The following TUBGCP6 variants were observed in gnomAD, a reference collection of about 807,000 sequenced individuals.
The protein encoded by TUBGCP6 is gamma-tubulin complex component 6.
In TUBGCP6, 161 loss-of-function variants were observed where a neutral mutation model predicts 175.8. The observed-to-expected ratio is 0.92, with a 90% CI of 0.81 to 1.04. TUBGCP6 has a LOEUF of 1.04. Ranked by LOEUF, TUBGCP6 falls within the 50% of genes least tolerant of loss-of-function variation. The probability of loss-of-function intolerance (pLI) is 0.00; values close to 1 mark genes in which losing one functional copy is unlikely to be tolerated. For synonymous variants in TUBGCP6, 1,173 were observed against 1,030.5 expected, an observed-to-expected ratio of 1.14 and a Z score of -2.65; for missense variants, 2,572 against 2,433.0, an observed-to-expected ratio of 1.06 and a Z score of -1.20.
rs745344235 is a variant in TUBGCP6, at chr22:50,219,760, C to T, written c.4199G>A (p.Arg1400His). Residue 1400 changes from arginine (R) to histidine (H), a missense_variant, in exon 18 of 25, where the codon CGT becomes CAT. Physicochemically the swap from Arg to His is conservative, Grantham distance 29. Coordinates refer to ENST00000248846, the MANE Select transcript of TUBGCP6 (RefSeq NM_020461.4). ...CGCCGATGCCTCCGCCTCCTCACCA[C>T]GGCCTGGGCTGCTCTGGGCAGCTGT... The part of the protein sequence containing the change: ...EDTAAQSSPG[R>H]GEEAEASAAE... The T allele has an allele frequency of 1.3e-5, 21 of 1,613,750 alleles. No homozygotes were observed. The highest frequency in any genetic ancestry group is 2.2e-5 in the East Asian group (1 of 44,888).
At position 50,220,285 on chromosome 22, in the gene TUBGCP6, G is replaced by C. The variant is rs1330150295; in HGVS notation, c.4074C>G (p.Pro1358=). 6.4e-7 allele frequency: 1 copy of C among 1,573,142 alleles called. No individual in the cohort carries two copies. Among genetic ancestry groups the C allele is most frequent in the East Asian group, 2.3e-5 (1 of 44,324 alleles). ...CAGAGACACTGTCTCCCGGGGTGTT[G>C]GGCCACCATGGTTGGGTGGGAGCCA... ...SDVAPTQPWW[P]NTPGDSVSEE... Residue 1358 remains proline (P), a synonymous_variant, in exon 16 of 25, where the codon CCC becomes CCG. Transcript: ENST00000248846.
At chr22:50,225,653 AC>A in intron 10 of TUBGCP6, 140 bp downstream of exon 10, 1 of 1,048,950 alleles carries the variant, frequency 9.5e-7, no homozygotes, top group Admixed American at 3.3e-5. Context: ...CTTGGCACCC[AC>A]CCAGGCCACC....
At chr22:50,233,181 C>T in intron 3 of TUBGCP6, 135 bp downstream of exon 3, 1 of 917,714 alleles carries the variant, frequency 1.1e-6, no homozygotes, top group Non-Finnish European at 1.7e-6. Context: ...TCACTGGTGG[C>T]CCTGGGAGCT....
intron 5 of TUBGCP6, 138 bp from the exon 6 acceptor site, chr22:50,227,215 G>T: frequency 1.3e-6 from 1 of 771,232 alleles, no homozygotes; most frequent in Non-Finnish European, 2.1e-6. Flanking sequence ...AAAACCACAG[G>T]CACCCCAACC....
intron 3 of TUBGCP6, among the ~76,000 whole-genome samples, chr22:50,231,149 G>A (rs1041173419): frequency 7.1e-5 from 10 of 140,160 alleles, no homozygotes; most frequent in Non-Finnish European, 4.7e-5. Flanking sequence ...AAAATAATTA[G>A]AGCAGAAATA....
intron 2 of TUBGCP6, among the ~76,000 whole-genome samples, chr22:50,237,193 GT>G (rs1201998629): frequency 2.6e-5 from 4 of 152,226 alleles, no homozygotes; most frequent in Non-Finnish European, 4.4e-5. Context: ...GACAATGGTG[GT>G]TCTCAGGGTG....
chr22:50,227,426 A>T (rs2064628813), intron 5 of TUBGCP6, among the ~76,000 whole-genome samples: 1 of 152,074 alleles, frequency 6.6e-6, no homozygotes. Context: ...AGCATCTGCC[A>T]CAACTCGCAC....
intron 2 of TUBGCP6, among the ~76,000 whole-genome samples, chr22:50,238,994 G>C (rs2064809192): frequency 6.6e-6 from 1 of 152,126 alleles, no homozygotes; most frequent in Admixed American, 6.6e-5. Flanking sequence ...CGCCCACCCG[G>C]GGGCACATGC....
At position 50,221,313 on chromosome 22, in the gene TUBGCP6, C is replaced by T. The variant is rs772032398; in HGVS notation, c.3046G>A (p.Glu1016Lys). The change falls in exon 16 of 25, where the codon GAG (glutamate) becomes AAG (lysine). Residue 1016 changes from glutamate (E) to lysine (K), a missense_variant. Physicochemically the swap from Glu to Lys is moderately conservative, Grantham distance 56 (BLOSUM62 1). Coordinates refer to ENST00000248846, the MANE Select transcript of TUBGCP6 (RefSeq NM_020461.4). ...CGCTCTGTGGGCTGGCTGCTCCCCTCCTCCAGAGCAGCACGCCTGGGTGGG... is the reference window on the plus strand; with the variant it reads ...CGCTCTGTGGGCTGGCTGCTCCCCTTCTCCAGAGCAGCACGCCTGGGTGGG... The part of the protein sequence containing the change: ...SHPPRRAALE[E>K]GSSQPTERLF... 2.5e-6 allele frequency: 4 copies of T among 1,613,434 alleles called. No homozygotes were observed. Among genetic ancestry groups the T allele is most frequent in the Non-Finnish European group, 3.4e-6 (4 of 1,180,020 alleles).
rs17013240 is a variant in TUBGCP6 at position 50,219,182 on chromosome 22, G to A, written c.4512C>T (p.Val1504=). The A allele has an allele frequency of 5.5e-3, 8,810 of 1,611,784 alleles. 403 individuals are homozygous for A. The African/African-American group carries it at 0.1, about 19-fold the overall frequency. The part of the protein sequence containing the change: ...AHISLVNKAA[V]DYFFVELHLE... ...GGTGCAGCTCCACGAAGAAGTAGTC[G>A]ACAGCGGCCTTGTTCACCAAGGAGA... The change falls in exon 20 of 25, where the codon GTC becomes GTT. Residue 1504 remains valine (V), a synonymous_variant. Transcript: ENST00000248846.
At position 50,226,809 on chromosome 22, in the gene TUBGCP6, C is replaced by A. The variant is rs1279528133; in HGVS notation, c.1525G>T (p.Ala509Ser). Residue 509 changes from alanine to serine, a missense_variant, in exon 7 of 25, where the codon GCT becomes TCT. Transcript: ENST00000248846. ...TGCTCGTTGCTGCAGTTGTGCAGAG[C>A]CTCCTGGTAGAGGTAGGACAGCAGC... ...VKLLSYLYQE[A>S]LHNCSNEHYP... is the part of the protein sequence containing the mutation. 1.3e-6 allele frequency: 2 copies of A among 1,589,184 alleles called. No individual in the cohort carries two copies. Among genetic ancestry groups the A allele is most frequent in the Non-Finnish European group, 1.7e-6 (2 of 1,168,556 alleles).
chr22:50,240,644 T>C (rs1040541987), intron 1 of TUBGCP6, among the ~76,000 whole-genome samples: 16 of 152,052 alleles, frequency 1.1e-4, no homozygotes, highest in African/African-American at 3.6e-4. Context: ...ACCTGGAAAT[T>C]CCAATGTGGG....
rs776918595 is a variant in TUBGCP6 at position 50,233,296 on chromosome 22, G to A, written c.1116+20C>T. 1.2e-5 allele frequency: 19 copies of A among 1,604,084 alleles called. No homozygotes were observed. The highest frequency in any genetic ancestry group is 8.4e-5 in the Admixed American group (5 of 59,480). On this transcript the variant is annotated intron_variant, in intron 3 of 24. Coordinates refer to ENST00000248846, the MANE Select transcript of TUBGCP6 (RefSeq NM_020461.4). ...CAGGCCAGCCCCACACCACTGTGGC[G>A]GGGAGTGAGCAGTTCTCACCTGGCA...
rs199565302 is a variant in TUBGCP6, at chr22:50,219,910, G to C, written c.4167+47C>G. ...ACCCGCGTGACAACCTAGAGGGACA[G>C]AGCCCTCCCTGCCTGCTGTGGGACC... is the stretch of plus-strand genomic sequence containing the variant. On this transcript the variant is annotated intron_variant, in intron 17 of 24. Transcript: ENST00000248846. 5,324 of 1,611,986 alleles carry C rather than the reference G, an allele frequency of 3.3e-3. 14 individuals are homozygous for C. The highest frequency in any genetic ancestry group is 4.5e-3 in the Middle Eastern group (27 of 6,056).
At chr22:50,232,182 AT>A (rs2064701902) in intron 3 of TUBGCP6, among the ~76,000 whole-genome samples, 1 of 151,914 alleles carries the variant, frequency 6.6e-6, no homozygotes, top group Non-Finnish European at 1.5e-5. Context: ...CCTGAGCAAC[AT>A]GGTGAAACCC....
intron 17 of TUBGCP6, 52 bp from the exon 18 acceptor site, chr22:50,219,843 A>G: frequency 6.2e-7 from 1 of 1,605,716 alleles, no homozygotes; most frequent in Non-Finnish European, 8.5e-7. Context: ...CTGTCCCCAC[A>G]ACCAGCTTGT....
chr22:50,243,999 C>T lies in TUBGCP6; in HGVS notation c.461G>A (p.Ser154Asn). Residue 154 changes from serine (S) to asparagine (N), a missense_variant, in exon 1 of 25, where the codon AGT becomes AAT. By Grantham distance (46) the Ser-to-Asn change is conservative. Coordinates refer to ENST00000248846, the MANE Select transcript of TUBGCP6 (RefSeq NM_020461.4). ...PYSGYDCDDL[S>N]VFEMDVQSLI... ...AGACTGAACGTCCATCTCAAACACA[C>T]TCAGGTCGTCGCAATCATAGCCGCT... 6.2e-7 allele frequency: 1 copy of T among 1,614,182 alleles called. No individual in the cohort carries two copies. The highest frequency in any genetic ancestry group is 8.5e-7 in the Non-Finnish European group (1 of 1,180,056).
rs371334024 is a variant in TUBGCP6 at position 50,241,518 on chromosome 22, TG to T, written c.742-1152del. ...TTATCCAGAGGCCTAAACGTCTCCCTGTGATGCTGTGCTTCAGCAGTCACAC... is the reference window on the plus strand; with the variant it reads ...TTATCCAGAGGCCTAAACGTCTCCCTTGATGCTGTGCTTCAGCAGTCACAC... On this transcript the variant is annotated intron_variant, in intron 1 of 24. Coordinates refer to ENST00000248846, the MANE Select transcript of TUBGCP6 (RefSeq NM_020461.4). Among the ~76,000 whole-genome samples, 577 of 152,368 alleles carry T rather than the reference TG, an allele frequency of 3.8e-3. 7 individuals carry two copies. Among genetic ancestry groups the T allele is most frequent in the African/African-American group, 0.013 (555 of 41,588 alleles).
At chr22:50,243,131 A>G (rs1039808207) in intron 1 of TUBGCP6, among the ~76,000 whole-genome samples, 6 of 152,082 alleles carry the variant, frequency 3.9e-5, no homozygotes, top group Non-Finnish European at 7.4e-5. Flanking sequence ...CCTGGCCAAC[A>G]TGGTGAAACC....
Sources: gnomAD v4.1 joint callset for allele counts (sites outside exome capture counted in the v4.1 genomes callset) on GRCh38, gnomAD v4.1.1 for gene constraint, MANE v1.5 for transcripts, NCBI Gene and HGNC (gene_info 2026-07-23, HGNC 2026-07-21) for gene names.